Variants in STOX1 observed in about 807,000 individuals in gnomAD.
The protein encoded by STOX1 is storkhead box 1.
In STOX1, 57 loss-of-function variants were observed where a neutral mutation model predicts 74.8. That is an observed-to-expected ratio of 0.76 (90% CI 0.62 to 0.95). The LOEUF is 0.95. STOX1 is among the 40% of genes least tolerant of loss of function. The pLI, the probability that STOX1 is intolerant of heterozygous loss-of-function variation, is 0.00. For missense variants in STOX1, 1,010 were observed against 1,117.0 expected (o/e 0.90, Z 1.37); for synonymous variants, 375 against 401.3 (o/e 0.93, Z 0.78).
Position 68,884,670 on chromosome 10 carries a change from A to G in STOX1, c.874A>G (p.Ile292Val), listed in dbSNP as rs778968227. ...AGTTTCAGTGTCTGCGGAGCACCAC[A>G]TTTGTGAGAGCACCAAACCTTTACC... is the stretch of plus-strand genomic sequence containing the variant. Reference protein sequence around the residue: ...GAVSVSAEHHICESTKPLPYT... With the variant: ...GAVSVSAEHHVCESTKPLPYT... Residue 292 changes from isoleucine (I) to valine (V), a missense_variant, in exon 3 of 4, where the codon ATT becomes GTT. Transcript: ENST00000298596. 6.2e-6 allele frequency: 10 copies of G among 1,614,186 alleles called. No individual in the cohort carries two copies. The highest frequency in any genetic ancestry group is 1.1e-5 in the South Asian group (1 of 91,092).
At chr10:68,888,802 ATTTTTTTTTTTTTTTTTTTT>A (rs35174437) in intron 3 of STOX1, among the ~76,000 whole-genome samples, 3 of 32,046 alleles carry the variant, frequency 9.4e-5, no homozygotes, top group Non-Finnish European at 1.5e-4. Context: ...TGCCCAGCTA[ATTTTTTTTTTTTTTTTTTTT>A]TTTTTTTTTT....
chr10:68,872,014 A>T (rs1002506793), intron 1 of STOX1, among the ~76,000 whole-genome samples: 6 of 152,034 alleles, frequency 3.9e-5, no homozygotes, highest in Admixed American at 2.6e-4. Flanking sequence ...CTTTTTTTTT[A>T]AATTAAACTT....
intron 1 of STOX1, among the ~76,000 whole-genome samples, chr10:68,863,288 C>T (rs773246105): frequency 5.3e-5 from 8 of 152,114 alleles, no homozygotes; most frequent in South Asian, 2.1e-4. Flanking sequence ...GGAATACTCA[C>T]GGCAATGCTG....
chr10:68,864,578 T>C (rs1840355757), intron 1 of STOX1, among the ~76,000 whole-genome samples: 1 of 152,242 alleles, frequency 6.6e-6, no homozygotes, highest in Admixed American at 6.5e-5. Context: ...ATAGTAGCGA[T>C]TTGATCCAAA....
intron 1 of STOX1, among the ~76,000 whole-genome samples, chr10:68,856,879 T>A (rs1352618872): frequency 6.6e-6 from 1 of 152,122 alleles, no homozygotes; most frequent in Non-Finnish European, 1.5e-5. Context: ...TCTGGCAGCA[T>A]TTTCCAAGCC....
intron 1 of STOX1, among the ~76,000 whole-genome samples, chr10:68,832,184 C>T (rs865831822): frequency 2.9e-4 from 44 of 152,176 alleles, no homozygotes; most frequent in African/African-American, 1.1e-3. Context: ...GGAGGTACTG[C>T]AGGGAGGTGG....
At chr10:68,833,145 G>A (rs1306278529) in intron 1 of STOX1, among the ~76,000 whole-genome samples, 1 of 148,720 alleles carries the variant, frequency 6.7e-6, no homozygotes, top group Non-Finnish European at 1.5e-5. Context: ...GAGTGCAGTG[G>A]TGTGATCTCA....
At chr10:68,863,929 T>G (rs1285041046) in intron 1 of STOX1, among the ~76,000 whole-genome samples, 1 of 151,426 alleles carries the variant, frequency 6.6e-6, no homozygotes, top group Non-Finnish European at 1.5e-5. Context: ...TGTTTTTTTT[T>G]TTTTTTTTTC....
chr10:68,868,807 G>C (rs1333413048), intron 1 of STOX1, among the ~76,000 whole-genome samples: 1 of 152,178 alleles, frequency 6.6e-6, no homozygotes, highest in South Asian at 2.1e-4. Flanking sequence ...ATCTTAATTT[G>C]GGAAGAAAAG....
chr10:68,830,541 C>A (rs1839379066), intron 1 of STOX1, among the ~76,000 whole-genome samples: 1 of 152,058 alleles, frequency 6.6e-6, no homozygotes, highest in Non-Finnish European at 1.5e-5. Flanking sequence ...CAGGGTTTCA[C>A]CATGTTGGCC....
At chr10:68,846,006 T>C (rs1839837060) in intron 1 of STOX1, among the ~76,000 whole-genome samples, 1 of 152,066 alleles carries the variant, frequency 6.6e-6, no homozygotes, top group African/African-American at 2.4e-5. Context: ...CCCTGAGTGC[T>C]GGGATTACAA....
chr10:68,892,464 T>C (rs1214664637), intron 3 of STOX1, 125 bp from the exon 4 acceptor site: 2 of 875,638 alleles, frequency 2.3e-6, no homozygotes, highest in East Asian at 5.1e-5. Context: ...GTTAACTTAT[T>C]TGATAAGTGT....
intron 1 of STOX1, among the ~76,000 whole-genome samples, chr10:68,846,131 ATT>A (rs1839846523): frequency 1.4e-5 from 2 of 139,932 alleles, no homozygotes; most frequent in Admixed American, 1.4e-4. Flanking sequence ...TATTATTATT[ATT>A]ATTATTATTA....
intron 1 of STOX1, among the ~76,000 whole-genome samples, chr10:68,844,391 T>TG (rs1310416140): frequency 6.8e-6 from 1 of 147,622 alleles, no homozygotes; most frequent in African/African-American, 2.5e-5. Flanking sequence ...CTCTGTCTCC[T>TG]GGGTTCAAGT....
rs769522390 is a variant in STOX1, at chr10:68,885,978, GA to G, written c.2183del (p.Asp728ValfsTer10). On this transcript the variant is annotated frameshift_variant, in exon 3 of 4. Coordinates refer to ENST00000298596, the MANE Select transcript of STOX1 (RefSeq NM_152709.5). LOFTEE classifies it high-confidence loss of function. Reference protein sequence around the residue: ...QALYQNEVEDDDGACSSLYLE... With the variant: ...QALYQNEVEDXDGACSSLYLE... Reference sequence around the variant, plus strand: ...CTTGTATCAGAATGAAGTGGAAGATGATGATGGTGCCTGTAGTTCATTATAT... The same window carrying G: ...CTTGTATCAGAATGAAGTGGAAGATGTGATGGTGCCTGTAGTTCATTATAT... 1.2e-6 allele frequency: 2 copies of G among 1,614,174 alleles called. No homozygotes were observed. Among genetic ancestry groups the G allele is most frequent in the Admixed American group, 3.3e-5 (2 of 60,024 alleles).
At chr10:68,874,022 T>TTTTTTTTTTTTTTG in intron 1 of STOX1, among the ~76,000 whole-genome samples, 1 of 140,726 alleles carries the variant, frequency 7.1e-6, no homozygotes, top group African/African-American at 2.7e-5. Context: ...CCTTTTTTTT[T>TTTTTTTTTTTTTTG]TTTTTTTTTT....
intron 1 of STOX1, among the ~76,000 whole-genome samples, chr10:68,858,867 C>T (rs1302283903): frequency 4.6e-5 from 7 of 152,038 alleles, no homozygotes; most frequent in Admixed American, 3.9e-4. Context: ...CTTTTGGTAA[C>T]GTATATGTAT....
At chr10:68,851,178 CT>C (rs1203572837) in intron 1 of STOX1, among the ~76,000 whole-genome samples, 1 of 151,132 alleles carries the variant, frequency 6.6e-6, no homozygotes, top group Non-Finnish European at 1.5e-5. Context: ...TTGTGTACAC[CT>C]TTGGTCCCAG....
chr10:68,844,968 G>C (rs977897838), intron 1 of STOX1, among the ~76,000 whole-genome samples: 1 of 152,066 alleles, frequency 6.6e-6, no homozygotes, highest in South Asian at 2.1e-4. Flanking sequence ...TTGACATGTT[G>C]GCCAGGCTGG....
Sources: gnomAD v4.1 joint callset for allele counts (sites outside exome capture counted in the v4.1 genomes callset) on GRCh38, gnomAD v4.1.1 for gene constraint, MANE v1.5 for transcripts, NCBI Gene and HGNC (gene_info 2026-07-23, HGNC 2026-07-21) for gene names.